The following SEC14L5 variants were observed in gnomAD, a reference collection of about 807,000 sequenced individuals.
SEC14L5 encodes SEC14 like lipid binding 5.
A neutral mutation model predicts 84.6 loss-of-function variants in SEC14L5; 96 were observed. That is an observed-to-expected ratio of 1.13 (90% CI 0.96 to 1.34). The LOEUF (loss-of-function observed/expected upper bound fraction) is 1.34. SEC14L5 is among the 40% of genes most tolerant of loss of function. The probability of loss-of-function intolerance (pLI) is 0.00; values close to 1 mark genes in which losing one functional copy is unlikely to be tolerated. For synonymous variants in SEC14L5, 546 were observed against 383.4 expected (o/e 1.42, Z -4.95); for missense variants, 1,224 against 942.5 (o/e 1.30, Z -3.91).
chr16:4,988,460 T>C (rs1955519786), intron 4 of SEC14L5, among the ~76,000 whole-genome samples, 180 bp downstream of exon 4: 1 of 152,178 alleles, frequency 6.6e-6, no homozygotes, highest in Non-Finnish European at 1.5e-5. Flanking sequence ...AACCCATAAT[T>C]TTTTTAGTAT....
chr16:4,974,100 G>C (rs993127276), intron 2 of SEC14L5, among the ~76,000 whole-genome samples: 1 of 152,128 alleles, frequency 6.6e-6, no homozygotes, highest in Non-Finnish European at 1.5e-5. Context: ...GGCGGAGATG[G>C]GGTTGACTTC....
Position 4,988,156 on chromosome 16 carries a change from G to C in SEC14L5, c.221G>C (p.Gly74Ala), listed in dbSNP as rs755837507. 1.1e-5 allele frequency: 17 copies of C among 1,613,674 alleles called. No individual in the cohort carries two copies. Among genetic ancestry groups the C allele is most frequent in the African/African-American group, 5.3e-5 (4 of 74,918 alleles). ...DAPRLLRKIA[G>A]VEHVVFVQTN... Reference sequence around the variant, plus strand: ...CCGCCCCTTCCCTTGCAGATCGCAGGTGTTGAGCACGTGGTCTTCGTGCAG... The same window carrying C: ...CCGCCCCTTCCCTTGCAGATCGCAGCTGTTGAGCACGTGGTCTTCGTGCAG... Residue 74 changes from glycine to alanine, a missense_variant, in exon 4 of 16, where the codon GGT becomes GCT. By Grantham distance (60) the Gly-to-Ala change is moderately conservative. Transcript: ENST00000251170.
chr16:4,962,606 T>C (rs1342152466), intron 2 of SEC14L5, among the ~76,000 whole-genome samples: 1 of 143,140 alleles, frequency 7.0e-6, no homozygotes. Flanking sequence ...GAGAATCGCT[T>C]AAACCCGGGA....
At chr16:4,990,374 G>A (rs1051550040) in intron 4 of SEC14L5, among the ~76,000 whole-genome samples, 1 of 152,168 alleles carries the variant, frequency 6.6e-6, no homozygotes, top group East Asian at 1.9e-4. Flanking sequence ...TGTTGGCCAG[G>A]CTCGTCTCCA....
chr16:4,968,986 T>G (rs9934316), intron 2 of SEC14L5, among the ~76,000 whole-genome samples: 61,674 of 152,210 alleles, frequency 0.41, 13,037 homozygotes, highest in Non-Finnish European at 0.47. Flanking sequence ...CCAAAAGCAG[T>G]TACAGTTGGA....
intron 2 of SEC14L5, among the ~76,000 whole-genome samples, chr16:4,964,868 T>A (rs1194407284): frequency 6.6e-6 from 1 of 152,032 alleles, no homozygotes; most frequent in Non-Finnish European, 1.5e-5. Context: ...GTAGCTGGGA[T>A]TACAGATGGG....
At chr16:4,990,925 G>C in intron 5 of SEC14L5, 30 bp downstream of exon 5, 1 of 1,529,954 alleles carries the variant, frequency 6.5e-7, no homozygotes, top group Non-Finnish European at 8.8e-7. Flanking sequence ...AGTTACTGGA[G>C]GAAGGTGCAC....
Position 5,000,925 on chromosome 16 carries a change from G to T in SEC14L5, c.1130G>T (p.Ser377Ile). 6.2e-7 allele frequency: 1 copy of T among 1,604,486 alleles called. No homozygotes were observed. Among genetic ancestry groups the T allele is most frequent in the East Asian group, 2.2e-5 (1 of 44,584 alleles). ...GSTRQLGRPI[S>I]SWTCLLDLEG... ...ACAAGGCAGCTGGGCCGTCCCATCA[G>T]GCAAACACCTGGGCTGGGCACAAAT... Residue 377 changes from serine to isoleucine, a missense_variant and splice_region_variant, in exon 10 of 16, where the codon AGC becomes ATC. Coordinates refer to ENST00000251170, the MANE Select transcript of SEC14L5 (RefSeq NM_014692.2).
chr16:4,978,778 A>G (rs1219035285), intron 2 of SEC14L5, among the ~76,000 whole-genome samples: 1 of 151,642 alleles, frequency 6.6e-6, no homozygotes, highest in Non-Finnish European at 1.5e-5. Context: ...AATCTTTTGT[A>G]TTTTTAGTAG....
intron 11 of SEC14L5, among the ~76,000 whole-genome samples, chr16:5,003,903 G>C (rs1301052336): frequency 6.6e-6 from 1 of 152,248 alleles, no homozygotes; most frequent in Non-Finnish European, 1.5e-5. Context: ...TTGTGTTATA[G>C]GTGTGAGCCA....
chr16:5,017,688 T>C lies in SEC14L5; in HGVS notation c.*2718T>C, dbSNP rs1028595926. On this transcript the variant is annotated 3_prime_UTR_variant, in exon 16 of 16. Transcript: ENST00000251170. ...GGATTGGGGAGGGCCATTCCCCCAA[T>C]GGACAAGAGAAGCTGGACCACAGAA... 6.6e-6 allele frequency: 1 copy of C among 152,138 alleles called. No individual in the cohort carries two copies. The highest frequency in any genetic ancestry group is 2.1e-4 in the South Asian group (1 of 4,822). The allele number at this position is 152,138 out of a possible 1,614,324, so 9.4% of individuals were successfully genotyped here.
intron 2 of SEC14L5, among the ~76,000 whole-genome samples, chr16:4,965,061 T>A (rs538898642): frequency 6.6e-6 from 1 of 152,276 alleles, no homozygotes; most frequent in Admixed American, 6.5e-5. Flanking sequence ...AACTACCTCA[T>A]TCAGGTGTGA....
rs74688403 is a variant in SEC14L5, at chr16:5,015,628, T to C, written c.*658T>C. On this transcript the variant is annotated 3_prime_UTR_variant, in exon 16 of 16. Coordinates refer to ENST00000251170, the MANE Select transcript of SEC14L5 (RefSeq NM_014692.2). ...AACCACCTGCTCTCAAAAGCACTAG[T>C]GGGTGCCTCGAGGAGTACTGGGGTC... is the stretch of plus-strand genomic sequence containing the variant. 2,198 of 152,834 alleles carry C rather than the reference T, an allele frequency of 0.014. 51 individuals carry two copies. The highest frequency in any genetic ancestry group is 0.05 in the African/African-American group (2,086 of 41,580). 9.5% of individuals were successfully genotyped at this position (152,834 alleles called of 1,614,324 possible).
chr16:4,990,370 C>T (rs1456105376), intron 4 of SEC14L5, among the ~76,000 whole-genome samples: 1 of 152,202 alleles, frequency 6.6e-6, no homozygotes, highest in Non-Finnish European at 1.5e-5. Flanking sequence ...ACCATGTTGG[C>T]CAGGCTCGTC....
chr16:4,963,019 T>G (rs559805831), intron 2 of SEC14L5, among the ~76,000 whole-genome samples: 121 of 152,318 alleles, frequency 7.9e-4, no homozygotes, highest in Non-Finnish European at 1.0e-3. Context: ...TCAGATGAAC[T>G]CAGCTATTTT....
intron 2 of SEC14L5, among the ~76,000 whole-genome samples, chr16:4,965,568 G>A (rs1014539664): frequency 9.3e-4 from 134 of 143,594 alleles, no homozygotes; most frequent in Non-Finnish European, 1.5e-3. Flanking sequence ...GGCTGAGGCA[G>A]GAGAATGGTG....
intron 2 of SEC14L5, among the ~76,000 whole-genome samples, chr16:4,960,193 C>T (rs1955103308): frequency 1.3e-5 from 2 of 152,194 alleles, no homozygotes; most frequent in South Asian, 4.1e-4. Context: ...CCTCTGAGCA[C>T]TTCACTTCCC....
rs780366477 is a variant in SEC14L5, at chr16:5,003,512, A to C, written c.1241A>C (p.Glu414Ala). Reference protein sequence around the residue: ...MIEVVEDNYPETLGRLLIVRA... With the variant: ...MIEVVEDNYPATLGRLLIVRA... ...GAGGTGGTTGAGGACAATTACCCAGAGACCCTGGGTCGGCTGCTCATCGTG... is the reference window on the plus strand; with the variant it reads ...GAGGTGGTTGAGGACAATTACCCAGCGACCCTGGGTCGGCTGCTCATCGTG... The change falls in exon 11 of 16, where the codon GAG (glutamate) becomes GCG (alanine). Residue 414 changes from glutamate (E) to alanine (A), a missense_variant. Physicochemically the swap from Glu to Ala is moderately radical, Grantham distance 107. Coordinates refer to ENST00000251170, the MANE Select transcript of SEC14L5 (RefSeq NM_014692.2). 2 of 1,593,364 alleles carry C rather than the reference A, an allele frequency of 1.3e-6. No homozygotes were observed. The highest frequency in any genetic ancestry group is 8.6e-7 in the Non-Finnish European group (1 of 1,167,694).
rs1955546210 is a variant in SEC14L5, at chr16:4,990,897, T to G, written c.474+2T>G. On this transcript the variant is annotated splice_donor_variant, in intron 5 of 15. Transcript: ENST00000251170. LOFTEE classifies it high-confidence loss of function. ...CAGTACACCGCCAACGTCAAGAGGG[T>G]AAGCGGTGGGTTGCGTTAGTTACTG... 2.5e-6 allele frequency: 4 copies of G among 1,582,854 alleles called. No homozygotes were observed. The highest frequency in any genetic ancestry group is 3.4e-6 in the Non-Finnish European group (4 of 1,164,568).
Sources: allele counts gnomAD v4.1 joint callset (sites outside exome capture counted in the v4.1 genomes callset), GRCh38; gene constraint gnomAD v4.1.1; transcripts MANE v1.5; gene names NCBI Gene and HGNC (gene_info 2026-07-23, HGNC 2026-07-21).